Variants in GYG1 observed in about 807,000 individuals in gnomAD.
GYG1 encodes glycogenin 1.
A neutral mutation model predicts 41.9 loss-of-function variants in GYG1; 44 were observed. The ratio of observed to expected loss-of-function variants is 1.05; its 90% CI spans 0.83 to 1.35. GYG1 has a LOEUF of 1.35. Among genes scored for constraint, GYG1 ranks in the 40% most tolerant of loss-of-function variants. The pLI is 0.00. For synonymous variants in GYG1, 141 were observed against 158.1 expected (o/e 0.89, Z 0.81); for missense variants, 429 against 418.9 (o/e 1.02, Z -0.21).
At position 148,999,774 on chromosome 3, in the gene GYG1, C is replaced by G. The variant is rs540029556; in HGVS notation, c.481+2870C>G. On this transcript the variant is annotated intron_variant, in intron 4 of 7. Transcript: ENST00000345003. ...AAAATAATTTTGGTTAGGTGTTGTG[C>G]TGTAGGCACTGATGAACATTTTCAG... Among the ~76,000 whole-genome samples, 3 of 152,296 alleles carry G rather than the reference C, an allele frequency of 2.0e-5. No homozygotes were observed. The South Asian group carries it at 6.2e-4, about 32-fold the overall frequency.
In GYG1 at chr3:149,026,965, T is replaced by A. The variant is rs766673695; in HGVS notation, c.*32T>A. ...TGCATTTTTCTGTGAACACATCCAC[T>A]TCACAAGCCTTGTTTCTGATACTTA... is the stretch of plus-strand genomic sequence containing the variant. On this transcript the variant is annotated 3_prime_UTR_variant, in exon 8 of 8. Transcript: ENST00000345003. 1.8e-5 allele frequency: 29 copies of A among 1,607,758 alleles called. No individual in the cohort carries two copies. The highest frequency in any genetic ancestry group is 2.4e-5 in the Non-Finnish European group (28 of 1,174,260).
At chr3:149,020,933 T>C (rs903128264) in intron 5 of GYG1, among the ~76,000 whole-genome samples, 1 of 152,134 alleles carries the variant, frequency 6.6e-6, no homozygotes, top group Admixed American at 6.6e-5. Context: ...GTTTTAGGCT[T>C]ATGGGTTTGT....
At position 149,027,364 on chromosome 3, in the gene GYG1, T is replaced by C. The variant is rs115945803; in HGVS notation, c.*431T>C. On this transcript the variant is annotated 3_prime_UTR_variant, in exon 8 of 8. Transcript: ENST00000345003. ...CCTGAATTTTAGAATTGCCCAGTGC[T>C]GCCAGAGTGAGTGAGTGTAATTCTC... 1,663 of 201,670 alleles carry C rather than the reference T, an allele frequency of 8.2e-3. 32 individuals are homozygous for C. Among genetic ancestry groups the C allele is most frequent in the African/African-American group, 0.037 (1,579 of 42,870 alleles). The allele number at this position is 201,670 out of a possible 1,614,324, so 12.5% of individuals were successfully genotyped here. A position where few individuals can be genotyped will look rare whatever the true frequency, so the allele number is the denominator to read the frequency against.
intron 3 of GYG1, 116 bp downstream of exon 3, chr3:148,996,592 G>A (rs1712805764): frequency 8.3e-7 from 1 of 1,208,014 alleles, no homozygotes; most frequent in Non-Finnish European, 1.2e-6. Context: ...TAGAACCACT[G>A]TCATGAAATA....
intron 5 of GYG1, among the ~76,000 whole-genome samples, chr3:149,010,923 C>T (rs1046102839): frequency 6.6e-6 from 1 of 152,200 alleles, no homozygotes; most frequent in Non-Finnish European, 1.5e-5. Flanking sequence ...CTCCGTAAGT[C>T]TTACACCACG....
At chr3:149,008,374 TACTC>T (rs1247113841) in intron 4 of GYG1, 5 of 152,712 alleles carry the variant, frequency 3.3e-5, no homozygotes, top group African/African-American at 1.2e-4. Context: ...CGAGTCCACT[TACTC>T]AGGCCACCTT....
In GYG1 at chr3:149,024,074, TG is replaced by T. The variant is rs1429663478; in HGVS notation, c.631del (p.Val211CysfsTer30). 4.3e-6 allele frequency: 7 copies of T among 1,614,048 alleles called. No homozygotes were observed. In the Admixed American group the frequency reaches 5.0e-5, roughly 12 times the overall value. On this transcript the variant is annotated frameshift_variant, in exon 6 of 8. Transcript: ENST00000345003. LOFTEE classifies it high-confidence loss of function. The part of the protein sequence containing the change: ...FKVFGASAKV[V>X]HFLGRVKPWN... ...GCAGGTTTGGTGCAAGTGCCAAAGT[TG>T]TGCATTTCCTGGGACGAGTCAAACC...
In GYG1 at chr3:149,026,849, A is replaced by G; in HGVS notation, c.969A>G (p.Glu323=). ...QPFVSSEERK[E]RWEQGQADYM... ...TTGTATCCTCGGAAGAACGGAAGGAACGATGGGAACAGGGCCAGGCTGATT... is the reference window on the plus strand; with the variant it reads ...TTGTATCCTCGGAAGAACGGAAGGAGCGATGGGAACAGGGCCAGGCTGATT... The change falls in exon 8 of 8, where the codon GAA becomes GAG. Residue 323 remains glutamate, a synonymous_variant. Transcript: ENST00000345003. 2 of 1,614,002 alleles carry G rather than the reference A, an allele frequency of 1.2e-6. No individual in the cohort carries two copies. The highest frequency in any genetic ancestry group is 1.7e-6 in the Non-Finnish European group (2 of 1,179,860).
chr3:148,995,008 C>T (rs191702863), intron 2 of GYG1, among the ~76,000 whole-genome samples: 7 of 152,266 alleles, frequency 4.6e-5, no homozygotes, highest in South Asian at 2.1e-4. Context: ...TGGCGAAACC[C>T]GTCTCTACTA....
At chr3:149,007,713 C>T (rs1713478601) in intron 4 of GYG1, among the ~76,000 whole-genome samples, 1 of 152,146 alleles carries the variant, frequency 6.6e-6, no homozygotes, top group African/African-American at 2.4e-5. Flanking sequence ...GATTTTTTGG[C>T]AAAGGAGACT....
rs1326576112 is a variant in GYG1 at position 148,991,574 on chromosome 3, C to T, written c.-67C>T. On this transcript the variant is annotated 5_prime_UTR_variant, in exon 1 of 8. Transcript: ENST00000345003. ...TGCCTCCTCGCTGGCCGCGCTCCCT[C>T]CCGGTGCCGGCTTCTCTGAGTCACC... is the stretch of plus-strand genomic sequence containing the variant. 3 of 1,536,504 alleles carry T rather than the reference C, an allele frequency of 2.0e-6. No homozygotes were observed. Among genetic ancestry groups the T allele is most frequent in the Admixed American group, 1.9e-5 (1 of 51,946 alleles).
intron 4 of GYG1, among the ~76,000 whole-genome samples, chr3:149,003,507 A>G (rs1271943963): frequency 2.0e-5 from 3 of 152,230 alleles, no homozygotes; most frequent in Admixed American, 6.5e-5. Flanking sequence ...TTATGTGAAT[A>G]CCAAATTTAT....
chr3:149,014,552 T>C (rs547762553), intron 5 of GYG1, among the ~76,000 whole-genome samples: 46 of 152,072 alleles, frequency 3.0e-4, no homozygotes, highest in Non-Finnish European at 5.1e-4. Context: ...ATAACTTCTT[T>C]GGGAGGCCAA....
chr3:148,991,623 T>C lies in GYG1; in HGVS notation c.-18T>C, dbSNP rs1289291129. ...CCAACCTGAGGCTGCCCCGGCCGCC[T>C]GCGCACCCGGCAGCACCATGACAGG... On this transcript the variant is annotated 5_prime_UTR_variant, in exon 1 of 8. Transcript: ENST00000345003. 1.9e-6 allele frequency: 3 copies of C among 1,553,516 alleles called. No homozygotes were observed. In the Admixed American group the frequency reaches 5.5e-5, roughly 28 times the overall value.
intron 6 of GYG1, 24 bp from the exon 7 acceptor site, chr3:149,026,428 C>G: frequency 2.0e-6 from 3 of 1,508,754 alleles, no homozygotes; most frequent in Non-Finnish European, 2.8e-6. Context: ...ATCCATCTTA[C>G]ACTTTCTAAT....
In GYG1 at chr3:149,027,052, T is replaced by G; in HGVS notation, c.*119T>G. ...TGCTAGAGGTTTTCATTAAAACTTA[T>G]CAGATGAGAGGCTTTTTTAGGATAA... On this transcript the variant is annotated 3_prime_UTR_variant, in exon 8 of 8. Coordinates refer to ENST00000345003, the MANE Select transcript of GYG1 (RefSeq NM_004130.4). The G allele has an allele frequency of 9.2e-7, 1 of 1,089,576 alleles. No homozygotes were observed. The allele number at this position is 1,089,576 out of a possible 1,614,324, so 67.5% of individuals were successfully genotyped here.
intron 5 of GYG1, among the ~76,000 whole-genome samples, chr3:149,020,297 C>G (rs1373250095): frequency 6.6e-6 from 1 of 152,192 alleles, no homozygotes; most frequent in Non-Finnish European, 1.5e-5. Flanking sequence ...ATACCTTTTT[C>G]ACTTTCAAAT....
intron 5 of GYG1, among the ~76,000 whole-genome samples, chr3:149,012,087 T>C (rs1713763734): frequency 6.6e-6 from 1 of 151,208 alleles, no homozygotes; most frequent in African/African-American, 2.4e-5. Flanking sequence ...GAGACATTTT[T>C]CCTTATATTC....
At chr3:149,014,528 G>C (rs764284999) in intron 5 of GYG1, among the ~76,000 whole-genome samples, 1 of 151,662 alleles carries the variant, frequency 6.6e-6, no homozygotes, top group Non-Finnish European at 1.5e-5. Flanking sequence ...TGGATCTCTT[G>C]AGCCCAAGAA....
Sources: gnomAD v4.1 joint callset for allele counts (sites outside exome capture counted in the v4.1 genomes callset) on GRCh38, gnomAD v4.1.1 for gene constraint, MANE v1.5 for transcripts, NCBI Gene and HGNC (gene_info 2026-07-23, HGNC 2026-07-21) for gene names.